The following BAZ2B variants were observed in gnomAD, a reference collection of about 807,000 sequenced individuals.
BAZ2B encodes the protein bromodomain adjacent to zinc finger domain protein 2B.
BAZ2B carries 91 observed loss-of-function variants against 246.0 expected under a neutral mutation model. The ratio of observed to expected loss-of-function variants is 0.37; its 90% CI spans 0.31 to 0.44. The LOEUF (loss-of-function observed/expected upper bound fraction) is 0.44. BAZ2B is among the 20% of genes least tolerant of loss of function. BAZ2B has a pLI of 1.00. For missense variants in BAZ2B, 2,332 were observed against 2,533.7 expected, an observed-to-expected ratio of 0.92 and a Z score of 1.71; for synonymous variants, 855 against 860.0, an observed-to-expected ratio of 0.99 and a Z score of 0.10.
At chr2:159,378,399 A>G (rs1240690228) in intron 25 of BAZ2B, among the ~76,000 whole-genome samples, 1 of 152,214 alleles carries the variant, frequency 6.6e-6, no homozygotes, top group Non-Finnish European at 1.5e-5. Context: ...ATTCATTACA[A>G]TGAGTTCTTG....
At chr2:159,353,900 G>C (rs2058815119) in intron 27 of BAZ2B, among the ~76,000 whole-genome samples, 1 of 152,080 alleles carries the variant, frequency 6.6e-6, no homozygotes, top group African/African-American at 2.4e-5. Flanking sequence ...ACTGTGCCTT[G>C]GTTAAACAAA....
At chr2:159,513,658 T>C (rs1432378937) in intron 2 of BAZ2B, among the ~76,000 whole-genome samples, 8 of 152,196 alleles carry the variant, frequency 5.3e-5, no homozygotes, top group Admixed American at 4.6e-4. Flanking sequence ...AGAAATCTTT[T>C]TGGTTGTACC....
At chr2:159,451,534 C>T (rs2075093879) in intron 4 of BAZ2B, among the ~76,000 whole-genome samples, 1 of 152,082 alleles carries the variant, frequency 6.6e-6, no homozygotes, top group East Asian at 1.9e-4. Context: ...ATAGTCTCTG[C>T]CCATTTGGCA....
At position 159,547,771 on chromosome 2, in the gene BAZ2B, T is replaced by C. The variant is rs527807271; in HGVS notation, c.-3+8052A>G. Among the ~76,000 whole-genome samples the C allele has an allele frequency of 2.0e-5, 3 of 152,334 alleles. No homozygotes were observed. In the South Asian group the frequency reaches 6.2e-4, roughly 32 times the overall value. On this transcript the variant is annotated intron_variant, in intron 2 of 36. Coordinates refer to ENST00000392783, the MANE Select transcript of BAZ2B (RefSeq NM_013450.4). The stretch of plus-strand genomic sequence containing the variant: ...ATGTTTCCATAATTATTCCTAGATC[T>C]GTAAAAGTTTCTTTTTTTAAGACAG...
chr2:159,377,835 T>C (rs1413716718), intron 25 of BAZ2B, among the ~76,000 whole-genome samples: 2 of 130,514 alleles, frequency 1.5e-5, no homozygotes, highest in Non-Finnish European at 3.2e-5. Context: ...AAAAAAGAAG[T>C]GAAATACTAC....
intron 8 of BAZ2B, chr2:159,434,485 T>C (rs115972585): frequency 0.018 from 2,773 of 152,206 alleles, 77 homozygotes; most frequent in Non-Finnish European, 0.029. Flanking sequence ...AGTTGGTGAC[T>C]ATATGTACTC....
intron 1 of BAZ2B, among the ~76,000 whole-genome samples, chr2:159,582,063 T>TACA (rs148909336): frequency 6.6e-6 from 1 of 151,936 alleles, no homozygotes; most frequent in Non-Finnish European, 1.5e-5. Flanking sequence ...GAACTTAAAG[T>TACA]ATAAAAAAAA....
At position 159,537,879 on chromosome 2, in the gene BAZ2B, C is replaced by T. The variant is rs1578187191; in HGVS notation, c.-3+17944G>A. ...GTAAGTGTGTATGTTAATCTACCAT[C>T]TTTTTTTAGGAGCCTATTGTCCTCT... On this transcript the variant is annotated intron_variant, in intron 2 of 36. Transcript: ENST00000392783. 4.6e-5 allele frequency among the ~76,000 whole-genome samples: 7 copies of T among 152,178 alleles called. No homozygotes were observed. The South Asian group carries it at 1.5e-3, about 32-fold the overall frequency.
the BAZ2B span, among the ~76,000 whole-genome samples, chr2:159,675,254 T>G: frequency 2.0e-5 from 3 of 152,076 alleles, no homozygotes; most frequent in Admixed American, 6.5e-5. Flanking sequence ...TATTAAAAAT[T>G]TTTTAAAGTT....
At chr2:159,463,148 G>A (rs6708006) in intron 3 of BAZ2B, 38,756 of 626,228 alleles carry the variant, frequency 0.062, 1,739 homozygotes, top group African/African-American at 0.14. Context: ...CATAGTAGCC[G>A]AATATCACTG....
intron 1 of BAZ2B, among the ~76,000 whole-genome samples, chr2:159,614,545 T>C (rs1695445350): frequency 6.6e-6 from 1 of 151,934 alleles, no homozygotes; most frequent in African/African-American, 2.4e-5. Context: ...CAAGCTAATT[T>C]TCAAAAAATC....
chr2:159,586,244 G>T (rs1687983760), intron 1 of BAZ2B, among the ~76,000 whole-genome samples: 1 of 152,096 alleles, frequency 6.6e-6, no homozygotes, highest in African/African-American at 2.4e-5. Flanking sequence ...CAGCAAAAAA[G>T]AATTTGCGAG....
rs1161900346 is a variant in BAZ2B, at chr2:159,432,867, T to C, written c.1790A>G (p.Asp597Gly). 3.1e-6 allele frequency: 5 copies of C among 1,614,106 alleles called. No individual in the cohort carries two copies. In the African/African-American group the frequency reaches 6.7e-5, roughly 22 times the overall value. ...TTCAGAATCTTTACTACTGGGAATG[T>C]CTGAATCTGTTCCTCTGAATTGTTC... Reference protein sequence around the residue: ...LVEQFRGTDSDIPSSKDSEDS... With the variant: ...LVEQFRGTDSGIPSSKDSEDS... The change falls in exon 9 of 37, where the codon GAC (aspartate) becomes GGC (glycine). Residue 597 changes from aspartate (D) to glycine (G), a missense_variant. Asp to Gly is a moderately conservative substitution (Grantham distance 94). Transcript: ENST00000392783.
chr2:159,349,110 A>G lies in BAZ2B; in HGVS notation c.5034T>C (p.Ser1678=). The G allele has an allele frequency of 6.2e-7, 1 of 1,614,050 alleles. No homozygotes were observed. Residue 1678 remains serine, a synonymous_variant, in exon 29 of 37, where the codon AGT becomes AGC. Transcript: ENST00000392783. ...TTTCATTCTGTGGTACTGGAGATTC[A>G]CTTTTACTTGAAGCAACATTGGAAG... ...FLTSNVASSK[S]ESPVPQNEKA...
At chr2:159,436,698 C>G (rs1266899294) in intron 8 of BAZ2B, among the ~76,000 whole-genome samples, 1 of 152,054 alleles carries the variant, frequency 6.6e-6, no homozygotes, top group Non-Finnish European at 1.5e-5. Context: ...TTGCAGTGAG[C>G]GGAGATCTTG....
chr2:159,419,268 C>T (rs373058079), intron 13 of BAZ2B, among the ~76,000 whole-genome samples: 15 of 151,864 alleles, frequency 9.9e-5, no homozygotes, highest in African/African-American at 3.4e-4. Context: ...ATGAAATTAC[C>T]CTTCTAGAAC....
Position 159,389,350 on chromosome 2 carries a change from G to C in BAZ2B, c.3211C>G (p.Gln1071Glu). The change falls in exon 21 of 37, where the codon CAA (glutamine) becomes GAA (glutamate). Residue 1071 changes from glutamine (Q) to glutamate (E), a missense_variant. By Grantham distance (29) the Gln-to-Glu change is conservative. Around this residue, in one of 9 missense-constraint regions of BAZ2B, gnomAD observed 328 missense variants for 410.4 expected, o/e 0.80. Transcript: ENST00000392783. ...GTACATGACGTATAAATTACCTTTT[G>C]GTCTGCTAAGCACATGTCTTCATTA... ...KPNEDMCLADQKPLPELPRIP... is the reference protein window; with the variant it reads ...KPNEDMCLADEKPLPELPRIP... 1 of 1,582,542 alleles carries C rather than the reference G, an allele frequency of 6.3e-7. No homozygotes were observed.
chr2:159,684,723 A>G, the BAZ2B span, among the ~76,000 whole-genome samples: 6 of 152,308 alleles, frequency 3.9e-5, no homozygotes, highest in South Asian at 1.0e-3. Flanking sequence ...AGTGTCACTA[A>G]AAGTTAAAGC....
chr2:159,657,920 G>T, the BAZ2B span, among the ~76,000 whole-genome samples: 1 of 152,084 alleles, frequency 6.6e-6, no homozygotes, highest in Non-Finnish European at 1.5e-5. Flanking sequence ...CAGGCATTTT[G>T]TTTCTTTTTC....
Sources: gnomAD v4.1 joint callset for allele counts (sites outside exome capture counted in the v4.1 genomes callset) on GRCh38, gnomAD v4.1.1 for gene constraint, gnomAD v4.1.1 regional missense constraint, MANE v1.5 for transcripts, NCBI Gene and HGNC (gene_info 2026-07-23, HGNC 2026-07-21) for gene names.